FBXO46: variants seen among roughly 807,000 people sequenced by gnomAD.
The protein encoded by FBXO46 is F-box only protein 46.
A neutral mutation model predicts 30.7 loss-of-function variants in FBXO46; 13 were observed. The observed-to-expected ratio is 0.42, with a 90% CI of 0.28 to 0.67. The LOEUF (loss-of-function observed/expected upper bound fraction) is 0.67, where lower values mean the gene tolerates loss of function less well. Among genes scored for constraint, FBXO46 ranks in the 30% least tolerant of loss-of-function variants. The pLI is 0.21. For missense variants in FBXO46, 754 were observed against 871.5 expected, an observed-to-expected ratio of 0.87 and a Z score of 1.70; for synonymous variants, 467 against 385.8, an observed-to-expected ratio of 1.21 and a Z score of -2.47.
intron 1 of FBXO46, among the ~76,000 whole-genome samples, chr19:45,726,514 G>T (rs932449128): frequency 6.6e-6 from 1 of 152,032 alleles, no homozygotes; most frequent in African/African-American, 2.4e-5. Context: ...AGGGCATAGA[G>T]GTGTACACCT....
Position 45,713,552 on chromosome 19 carries a change from G to A in FBXO46, c.-57C>T, listed in dbSNP as rs1032573204. The A allele has an allele frequency of 6.9e-5, 97 of 1,413,618 alleles. No individual in the cohort carries two copies. The highest frequency in any genetic ancestry group is 8.4e-5 in the Non-Finnish European group (88 of 1,050,242). The allele number at this position is 1,413,618 out of a possible 1,614,324, so 87.6% of individuals were successfully genotyped here. A position where few individuals can be genotyped will look rare whatever the true frequency, so the allele number is the denominator to read the frequency against. On this transcript the variant is annotated 5_prime_UTR_variant, in exon 2 of 2. Coordinates refer to ENST00000317683, the MANE Select transcript of FBXO46 (RefSeq NM_001080469.2). This position sits in a 1 kb window ranked among gnomAD's most constrained non-coding sequence, Gnocchi z 4.7. ...CAGCGCATCTCAGGACCTAGGTGGT[G>A]GTGGGAGGCTCCACATGCCACCTGG...
upstream of FBXO46, among the ~76,000 whole-genome samples, chr19:45,731,610 C>T (rs1225928575): frequency 6.6e-6 from 1 of 151,686 alleles, no homozygotes; most frequent in African/African-American, 2.4e-5. Context: ...CCACCGCGCC[C>T]GGCCCGTCCC....
At chr19:45,719,555 C>T (rs973424827) in intron 1 of FBXO46, among the ~76,000 whole-genome samples, 6 of 152,266 alleles carry the variant, frequency 3.9e-5, no homozygotes, top group Admixed American at 1.3e-4. Flanking sequence ...TAAGAAAAGA[C>T]TGCTTGGGAA....
rs1244501682 is a variant in FBXO46 at position 45,711,237 on chromosome 19, C to T, written c.*447G>A. 4 of 427,012 alleles carry T rather than the reference C, an allele frequency of 9.4e-6. No homozygotes were observed. The highest frequency in any genetic ancestry group is 1.8e-5 in the Non-Finnish European group (4 of 219,724). The allele number at this position is 427,012 out of a possible 1,614,324, so 26.5% of individuals were successfully genotyped here. Reference sequence around the variant, plus strand: ...GTCGTGTGGCAGGTTAGGAGAGGTGCCAACCTTGGGCGATGCGGCTTCTTG... The same window carrying T: ...GTCGTGTGGCAGGTTAGGAGAGGTGTCAACCTTGGGCGATGCGGCTTCTTG... On this transcript the variant is annotated 3_prime_UTR_variant, in exon 2 of 2. Coordinates refer to ENST00000317683, the MANE Select transcript of FBXO46 (RefSeq NM_001080469.2).
chr19:45,721,270 G>A (rs562990083), intron 1 of FBXO46, among the ~76,000 whole-genome samples: 11 of 149,192 alleles, frequency 7.4e-5, no homozygotes, highest in East Asian at 2.1e-4. Context: ...GCTTGAGCCC[G>A]GAAGTGGAGG....
intron 1 of FBXO46, among the ~76,000 whole-genome samples, chr19:45,714,230 G>C (rs1010302885): frequency 6.6e-6 from 1 of 152,126 alleles, no homozygotes; most frequent in African/African-American, 2.4e-5. Context: ...TGCTCACTCA[G>C]TAGCTCGTTC....
intron 1 of FBXO46, among the ~76,000 whole-genome samples, chr19:45,724,115 A>C (rs1968208065): frequency 6.6e-6 from 1 of 152,164 alleles, no homozygotes; most frequent in Admixed American, 6.6e-5. Flanking sequence ...TTTCAAGAAA[A>C]GGCAAAATAA....
chr19:45,727,911 AGGAATG>A (rs1968260399), intron 1 of FBXO46, among the ~76,000 whole-genome samples: 1 of 152,186 alleles, frequency 6.6e-6, no homozygotes, highest in Non-Finnish European at 1.5e-5. Context: ...TGGCGGGGAC[AGGAATG>A]GGAATGGGGA....
At position 45,711,774 on chromosome 19, in the gene FBXO46, G is replaced by A. The variant is rs779958603; in HGVS notation, c.1722C>T (p.Pro574=). 4 of 1,521,034 alleles carry A rather than the reference G, an allele frequency of 2.6e-6. No individual in the cohort carries two copies. Among genetic ancestry groups the A allele is most frequent in the African/African-American group, 2.8e-5 (2 of 71,402 alleles). The allele number at this position is 1,521,034 out of a possible 1,614,324, so 94.2% of individuals were successfully genotyped here. A position where few individuals can be genotyped will look rare whatever the true frequency, so the allele number is the denominator to read the frequency against. Residue 574 remains proline (P), a synonymous_variant, in exon 2 of 2, where the codon CCC becomes CCT. Transcript: ENST00000317683. ...TATCGTGGAGGCCCAGGCGGCAGCCGGGAGTCTCGCGGTCGGCTCGACGGC... is the reference window on the plus strand; with the variant it reads ...TATCGTGGAGGCCCAGGCGGCAGCCAGGAGTCTCGCGGTCGGCTCGACGGC... ...MCCRRADRET[P]GCRLGLHDNN... is the part of the protein sequence containing the mutation.
Position 45,721,042 on chromosome 19 carries a change from C to A in FBXO46, c.-78-7469G>T, listed in dbSNP as rs1055423658. ...AGAAGTGAAGCGGGGAAAAAAACAA[C>A]AGAATAAACCAAACAAATAAGGAAA... On this transcript the variant is annotated intron_variant, in intron 1 of 1. Transcript: ENST00000317683. Among the ~76,000 whole-genome samples the A allele has an allele frequency of 2.8e-5, 4 of 141,558 alleles. No homozygotes were observed. In the East Asian group the frequency reaches 8.4e-4, roughly 30 times the overall value. 92.9% of individuals were successfully genotyped at this position (141,558 alleles called of 152,430 possible).
chr19:45,731,658 A>C (rs1166053914), upstream of FBXO46, among the ~76,000 whole-genome samples: 3 of 151,784 alleles, frequency 2.0e-5, no homozygotes, highest in African/African-American at 7.3e-5. Context: ...TGAGAAAATT[A>C]AGCCTTAGGA....
intron 1 of FBXO46, among the ~76,000 whole-genome samples, chr19:45,721,027 C>T (rs571398571): frequency 7.3e-6 from 1 of 137,676 alleles, no homozygotes; most frequent in African/African-American, 2.7e-5. Flanking sequence ...AGAAGTGAAG[C>T]GGGGAAAAAA....
intron 1 of FBXO46, chr19:45,716,086 G>C (rs930575403): frequency 2.6e-5 from 4 of 152,094 alleles, no homozygotes; most frequent in African/African-American, 9.7e-5. Context: ...AATCCAAAAT[G>C]CTCCCAAATT....
At position 45,711,041 on chromosome 19, in the gene FBXO46, C is replaced by T; in HGVS notation, c.*643G>A. 1.5e-4 allele frequency: 35 copies of T among 226,212 alleles called. No homozygotes were observed. Among genetic ancestry groups the T allele is most frequent in the South Asian group, 2.4e-4 (5 of 21,054 alleles). The allele number at this position is 226,212 out of a possible 1,614,324, so 14.0% of individuals were successfully genotyped here. On this transcript the variant is annotated 3_prime_UTR_variant, in exon 2 of 2. Transcript: ENST00000317683. ...ACTTCAGCTTTTTTTTTGTCTGCCC[C>T]CCTCTTCCTCTACGCGGAAGAGGAG...
chr19:45,728,441 T>A lies in FBXO46; in HGVS notation c.-79+2408A>T, dbSNP rs10421296. 5.1e-3 allele frequency among the ~76,000 whole-genome samples: 784 copies of A among 152,326 alleles called. 8 individuals carry two copies. The highest frequency in any genetic ancestry group is 0.018 in the African/African-American group (745 of 41,584). On this transcript the variant is annotated intron_variant, in intron 1 of 1. Transcript: ENST00000317683. ...CTTCCATAAGTATTGGAGTAAGGGCTCATAAAGTAAGTTCCACTATACTGC... is the reference window on the plus strand; with the variant it reads ...CTTCCATAAGTATTGGAGTAAGGGCACATAAAGTAAGTTCCACTATACTGC...
intron 1 of FBXO46, among the ~76,000 whole-genome samples, chr19:45,720,300 T>A (rs983625264): frequency 2.6e-5 from 4 of 151,966 alleles, no homozygotes; most frequent in Non-Finnish European, 4.4e-5. Context: ...TCCAGATAAT[T>A]TTTTCATTTT....
rs200723937 is a variant in FBXO46 at position 45,710,913 on chromosome 19, GC to G, written c.*770del. The G allele has an allele frequency of 9.5e-3, 1,597 of 168,396 alleles. 28 individuals carry two copies. Among genetic ancestry groups the G allele is most frequent in the African/African-American group, 0.037 (1,532 of 41,588 alleles). 10.4% of individuals were successfully genotyped at this position (168,396 alleles called of 1,614,324 possible). A position where few individuals can be genotyped will look rare whatever the true frequency, so the allele number is the denominator to read the frequency against. On this transcript the variant is annotated 3_prime_UTR_variant, in exon 2 of 2. Coordinates refer to ENST00000317683, the MANE Select transcript of FBXO46 (RefSeq NM_001080469.2). ...CAAATCCGAAGTCCCTGCCCACGGGGCCCCCCCACGCTGTCAAAAGCGAGGC... is the reference window on the plus strand; with the variant it reads ...CAAATCCGAAGTCCCTGCCCACGGGGCCCCCCACGCTGTCAAAAGCGAGGC...
chr19:45,726,906 C>T (rs1299388622), intron 1 of FBXO46, among the ~76,000 whole-genome samples: 1 of 152,156 alleles, frequency 6.6e-6, no homozygotes, highest in Non-Finnish European at 1.5e-5. Context: ...TCATCAGTTA[C>T]CACGTCAACT....
chr19:45,721,250 T>C (rs1177509014), intron 1 of FBXO46, among the ~76,000 whole-genome samples: 1 of 151,728 alleles, frequency 6.6e-6, no homozygotes, highest in Non-Finnish European at 1.5e-5. Flanking sequence ...GAGGCTGAAG[T>C]GGGAGGATCG....
Sources: gnomAD v4.1 joint callset for allele counts (sites outside exome capture counted in the v4.1 genomes callset) on GRCh38, gnomAD v4.1.1 for gene constraint, Gnocchi (gnomAD v3.1) non-coding constraint, MANE v1.5 for transcripts, NCBI Gene and HGNC (gene_info 2026-07-23, HGNC 2026-07-21) for gene names.